Variants in AHI1 observed in about 807,000 individuals in gnomAD.
AHI1 encodes the protein Abelson helper integration site 1, also known as jouberin.
AHI1 carries 123 observed loss-of-function variants against 149.3 expected under a neutral mutation model. That is an observed-to-expected ratio of 0.82 (90% CI 0.71 to 0.96). AHI1 has a LOEUF of 0.96. Ranked by LOEUF, AHI1 falls within the 40% of genes least tolerant of loss-of-function variation. The pLI is 0.00. For missense variants in AHI1, 1,439 were observed against 1,422.7 expected, an observed-to-expected ratio of 1.01 and a Z score of -0.18; for synonymous variants, 475 against 459.8, an observed-to-expected ratio of 1.03 and a Z score of -0.42.
At chr6:135,292,415 C>A (rs1359222086) in intron 27 of AHI1, among the ~76,000 whole-genome samples, 1 of 152,202 alleles carries the variant, frequency 6.6e-6, no homozygotes, top group Non-Finnish European at 1.5e-5. Context: ...ATACATAGAA[C>A]ATCTAGACCT....
At chr6:135,444,014 G>A (rs1349143625) in intron 13 of AHI1, among the ~76,000 whole-genome samples, 2 of 152,102 alleles carry the variant, frequency 1.3e-5, no homozygotes, top group Non-Finnish European at 2.9e-5. Flanking sequence ...CATGTTCTTT[G>A]TATTCTCAGG....
At chr6:135,396,150 T>C (rs754545182) in intron 22 of AHI1, among the ~76,000 whole-genome samples, 3 of 151,822 alleles carry the variant, frequency 2.0e-5, no homozygotes, top group Non-Finnish European at 3.0e-5. Flanking sequence ...TAAACTATTA[T>C]GTCATCTCAA....
intron 22 of AHI1, among the ~76,000 whole-genome samples, chr6:135,402,497 G>A (rs1780157641): frequency 6.6e-6 from 1 of 152,122 alleles, no homozygotes; most frequent in African/African-American, 2.4e-5. Flanking sequence ...AAAAAGTAGT[G>A]CAGTTGACCC....
chr6:135,442,459 C>T lies in AHI1; in HGVS notation c.1912+123G>A, dbSNP rs12211456. 2.4e-5 allele frequency: 25 copies of T among 1,043,532 alleles called. 1 individual carries two copies. The highest frequency in any genetic ancestry group is 1.5e-4 in the East Asian group (5 of 34,376). 64.6% of individuals were successfully genotyped at this position (1,043,532 alleles called of 1,614,324 possible). ...AGAACTTTCTTTGTTTGAAGAAATC[C>T]GTTTTCTTTAATTTAGTAGTACAGG... On this transcript the variant is annotated intron_variant, in intron 14 of 28. Coordinates refer to ENST00000265602, the MANE Select transcript of AHI1 (RefSeq NM_001134831.2).
chr6:135,390,617 G>A (rs1331931217), intron 23 of AHI1, among the ~76,000 whole-genome samples: 1 of 151,966 alleles, frequency 6.6e-6, no homozygotes, highest in East Asian at 1.9e-4. Flanking sequence ...GTTTGGTATG[G>A]TGAGGATAAG....
chr6:135,387,682 A>C, intron 23 of AHI1: 1 of 791,306 alleles, frequency 1.3e-6, no homozygotes, highest in Non-Finnish European at 1.6e-6. Flanking sequence ...TCATCACTTA[A>C]CAAATTTTAT....
At chr6:135,379,959 T>C (rs1350611806) in intron 23 of AHI1, among the ~76,000 whole-genome samples, 4 of 66,132 alleles carry the variant, frequency 6.0e-5, no homozygotes, top group African/African-American at 1.2e-4. Context: ...CTTCCCCTTC[T>C]CCCTCCCTCC....
rs1793056932 is a variant in AHI1, at chr6:135,356,893, T to G, written c.3165+1239A>C. On this transcript the variant is annotated intron_variant, in intron 24 of 28. Transcript: ENST00000265602. ...ATAAAAAATAGAGTCAATTTGCTAC[T>G]GAGGCATATATTAATCATCAACACA... 2.0e-5 allele frequency among the ~76,000 whole-genome samples: 3 copies of G among 152,220 alleles called. No homozygotes were observed. In the South Asian group the frequency reaches 6.2e-4, roughly 32 times the overall value.
intron 24 of AHI1, among the ~76,000 whole-genome samples, chr6:135,338,245 A>G (rs1789714219): frequency 6.8e-6 from 1 of 147,934 alleles, no homozygotes. Flanking sequence ...GGTTGCAGTG[A>G]GCTGAGATCG....
At chr6:135,388,032 G>T (rs866101022) in intron 23 of AHI1, 1 of 1,613,696 alleles carries the variant, frequency 6.2e-7, no homozygotes, top group Middle Eastern at 1.7e-4. Context: ...CAAAGTGACT[G>T]TCTGGAAAAC....
At chr6:135,317,754 G>A (rs762495946) in intron 26 of AHI1, among the ~76,000 whole-genome samples, 3 of 152,066 alleles carry the variant, frequency 2.0e-5, no homozygotes, top group East Asian at 1.9e-4. Flanking sequence ...AATGATATAC[G>A]TCAGGTTCAA....
chr6:135,463,061 A>C (rs1298741661), intron 8 of AHI1, 64 bp downstream of exon 8: 2 of 1,380,964 alleles, frequency 1.4e-6, no homozygotes, highest in East Asian at 4.7e-5. Context: ...AAAGGGCTAA[A>C]ATTCCTAGAA....
chr6:135,365,180 G>T (rs111310685), intron 23 of AHI1, among the ~76,000 whole-genome samples: 1,808 of 152,038 alleles, frequency 0.012, 35 homozygotes, highest in African/African-American at 0.041. Flanking sequence ...ATTGGTCTAA[G>T]ATCAGTACTA....
chr6:135,335,161 T>G (rs577529090), intron 24 of AHI1, among the ~76,000 whole-genome samples: 2 of 152,354 alleles, frequency 1.3e-5, no homozygotes, highest in South Asian at 4.1e-4. Context: ...TTACTTATCT[T>G]GCTTAGTTTC....
At chr6:135,289,789 C>T (rs1041150325) in intron 28 of AHI1, among the ~76,000 whole-genome samples, 1 of 152,174 alleles carries the variant, frequency 6.6e-6, no homozygotes, top group African/African-American at 2.4e-5. Context: ...CTAGTTCCTA[C>T]AAAATGACAA....
chr6:135,343,227 T>C (rs2746425), intron 24 of AHI1, among the ~76,000 whole-genome samples: 83,098 of 151,574 alleles, frequency 0.55, 22,893 homozygotes, highest in Middle Eastern at 0.65. Flanking sequence ...TACAAATAAA[T>C]TTAACAAAAA....
intron 5 of AHI1, among the ~76,000 whole-genome samples, chr6:135,476,419 C>T (rs371125862): frequency 2.6e-5 from 4 of 151,494 alleles, no homozygotes; most frequent in East Asian, 3.9e-4. Flanking sequence ...ATGTCTGTCT[C>T]GGTGAATATT....
At chr6:135,417,718 T>A (rs995388572) in intron 20 of AHI1, among the ~76,000 whole-genome samples, 6 of 151,936 alleles carry the variant, frequency 3.9e-5, no homozygotes, top group Non-Finnish European at 8.8e-5. Flanking sequence ...AACACCCTAT[T>A]TTATCTTTAA....
intron 18 of AHI1, among the ~76,000 whole-genome samples, chr6:135,429,053 G>A (rs772070093): frequency 1.3e-5 from 2 of 151,622 alleles, no homozygotes; most frequent in African/African-American, 2.4e-5. Context: ...ACTTGGACAA[G>A]AGAAATTAAT....
Sources: allele counts gnomAD v4.1 joint callset (sites outside exome capture counted in the v4.1 genomes callset), GRCh38; gene constraint gnomAD v4.1.1; transcripts MANE v1.5; gene names NCBI Gene and HGNC (gene_info 2026-07-23, HGNC 2026-07-21).